The following HS3ST2 variants were observed in gnomAD, a reference collection of about 807,000 sequenced individuals.
The protein encoded by HS3ST2 is heparan sulfate-glucosamine 3-sulfotransferase 2.
HS3ST2 carries 17 observed loss-of-function variants against 26.3 expected under a neutral mutation model. That is an observed-to-expected ratio of 0.65 (90% confidence interval 0.44 to 0.97). The LOEUF is 0.97. Among genes scored for constraint, HS3ST2 ranks in the 50% least tolerant of loss-of-function variants. The probability of loss-of-function intolerance (pLI) is 0.00; values close to 1 mark genes in which losing one functional copy is unlikely to be tolerated. For missense variants in HS3ST2, 402 were observed against 501.2 expected, an observed-to-expected ratio of 0.80 and a Z score of 1.89; for synonymous variants, 237 against 219.2, an observed-to-expected ratio of 1.08 and a Z score of -0.72.
chr16:22,823,781 T>C (rs2141175404), intron 1 of HS3ST2, among the ~76,000 whole-genome samples: 1 of 152,142 alleles, frequency 6.6e-6, no homozygotes, highest in Non-Finnish European at 1.5e-5. Context: ...AGTGAGACTG[T>C]TTCTAGCTTT....
intron 1 of HS3ST2, among the ~76,000 whole-genome samples, chr16:22,889,873 A>G (rs948500652): frequency 1.3e-5 from 2 of 152,222 alleles, no homozygotes; most frequent in African/African-American, 4.8e-5. Flanking sequence ...TTGCCTATAA[A>G]TTTCCTGGAA....
chr16:22,844,175 G>T (rs1901399374), intron 1 of HS3ST2, among the ~76,000 whole-genome samples: 1 of 152,012 alleles, frequency 6.6e-6, no homozygotes, highest in Non-Finnish European at 1.5e-5. Flanking sequence ...CCATGTAAGT[G>T]CCATATGTCC....
intron 1 of HS3ST2, among the ~76,000 whole-genome samples, chr16:22,908,313 T>C (rs1339862931): frequency 1.3e-5 from 2 of 152,094 alleles, no homozygotes; most frequent in African/African-American, 4.8e-5. Flanking sequence ...GTGCCATGGA[T>C]TGTGGTGGAC....
At chr16:22,898,695 T>C (rs1230157364) in intron 1 of HS3ST2, among the ~76,000 whole-genome samples, 1 of 152,152 alleles carries the variant, frequency 6.6e-6, no homozygotes, top group African/African-American at 2.4e-5. Flanking sequence ...CACATGTGTA[T>C]AGTTTAGGCA....
At chr16:22,878,153 T>A (rs2141195788) in intron 1 of HS3ST2, among the ~76,000 whole-genome samples, 1 of 152,376 alleles carries the variant, frequency 6.6e-6, no homozygotes, top group South Asian at 2.1e-4. Context: ...CAAATATATT[T>A]AGAATTTATT....
intron 1 of HS3ST2, among the ~76,000 whole-genome samples, chr16:22,878,676 A>C (rs1901950323): frequency 6.6e-6 from 1 of 152,192 alleles, no homozygotes; most frequent in Admixed American, 6.5e-5. Context: ...GAGAAAAACA[A>C]CAAGAATTGA....
In HS3ST2 at chr16:22,842,872, A is replaced by G. The variant is rs1901378271; in HGVS notation, c.485+27777A>G. Among the ~76,000 whole-genome samples the G allele has an allele frequency of 2.0e-5, 3 of 152,204 alleles. 1 individual carries two copies. The South Asian group carries it at 6.2e-4, about 31-fold the overall frequency. ...TAACAGGAACAAGGCTCGATTTGGA[A>G]AGGCTAGAGCTTTTGCCAAAACTGG... On this transcript the variant is annotated intron_variant, in intron 1 of 1. Transcript: ENST00000261374.
At chr16:22,909,753 A>G (rs1444204531) in intron 1 of HS3ST2, among the ~76,000 whole-genome samples, 1 of 152,200 alleles carries the variant, frequency 6.6e-6, no homozygotes, top group Non-Finnish European at 1.5e-5. Context: ...AGAAATTAGA[A>G]GGGTGGGCCG....
chr16:22,823,651 G>T (rs1176208839), intron 1 of HS3ST2, among the ~76,000 whole-genome samples: 1 of 151,616 alleles, frequency 6.6e-6, no homozygotes, highest in Non-Finnish European at 1.5e-5. Flanking sequence ...GCCAGGCATG[G>T]TGGCAGGCAC....
intron 1 of HS3ST2, among the ~76,000 whole-genome samples, chr16:22,863,634 G>A (rs548806454): frequency 7.0e-4 from 107 of 152,228 alleles, no homozygotes; most frequent in African/African-American, 2.6e-3. Flanking sequence ...TATGTCCTGG[G>A]ATGTCCTGGG....
In HS3ST2 at chr16:22,915,763, C is replaced by T; in HGVS notation, c.*201C>T. 2 of 604,522 alleles carry T rather than the reference C, an allele frequency of 3.3e-6. No homozygotes were observed. The highest frequency in any genetic ancestry group is 2.2e-5 in the South Asian group (1 of 45,210). 37.4% of individuals were successfully genotyped at this position (604,522 alleles called of 1,614,324 possible). ...TGCCACTAGTTTTCATCAGTCTGTT[C>T]AAGCAAAGTTGATCTGCTCCTGGCA... On this transcript the variant is annotated 3_prime_UTR_variant, in exon 2 of 2. Coordinates refer to ENST00000261374, the MANE Select transcript of HS3ST2 (RefSeq NM_006043.2).
chr16:22,910,905 A>C (rs776351078), intron 1 of HS3ST2, among the ~76,000 whole-genome samples: 7 of 152,172 alleles, frequency 4.6e-5, no homozygotes, highest in Non-Finnish European at 1.0e-4. Context: ...ATTAGCTTTA[A>C]GATGGAGGAG....
rs117680844 is a variant in HS3ST2 at position 22,860,665 on chromosome 16, A to G, written c.485+45570A>G. 7.2e-3 allele frequency among the ~76,000 whole-genome samples: 1,094 copies of G among 152,226 alleles called. 8 individuals are homozygous for G. Among genetic ancestry groups the G allele is most frequent in the South Asian group, 0.015 (72 of 4,814 alleles). On this transcript the variant is annotated intron_variant, in intron 1 of 1. Transcript: ENST00000261374. ...CATTTTAGGCAATTGTTGGCTCCCA[A>G]TAAATATTTCTGGAAGGAACCAATG... is the stretch of plus-strand genomic sequence containing the variant.
chr16:22,874,747 A>G (rs989183870), intron 1 of HS3ST2, among the ~76,000 whole-genome samples: 11 of 152,192 alleles, frequency 7.2e-5, no homozygotes, highest in African/African-American at 1.2e-4. Context: ...ACTTGACCCA[A>G]TGACAAATCT....
At chr16:22,860,371 T>G (rs145325100) in intron 1 of HS3ST2, among the ~76,000 whole-genome samples, 1 of 152,238 alleles carries the variant, frequency 6.6e-6, no homozygotes, top group African/African-American at 2.4e-5. Context: ...CCCTCATGAT[T>G]TAACTACCTC....
rs1262459320 is a variant in HS3ST2, at chr16:22,850,545, G to A, written c.485+35450G>A. On this transcript the variant is annotated intron_variant, in intron 1 of 1. Transcript: ENST00000261374. ...CTCACACCTGTAATCTCAACACTTT[G>A]GGAGGCCAAGGCAGGCAGATCACTT... Among the ~76,000 whole-genome samples, 5 of 152,216 alleles carry A rather than the reference G, an allele frequency of 3.3e-5. No individual in the cohort carries two copies. The East Asian group carries it at 9.7e-4, about 29-fold the overall frequency.
chr16:22,857,620 A>T (rs1901613296), intron 1 of HS3ST2, among the ~76,000 whole-genome samples: 1 of 152,206 alleles, frequency 6.6e-6, no homozygotes, highest in Non-Finnish European at 1.5e-5. Context: ...GGGCTGGGGA[A>T]AGCTCTTACA....
intron 1 of HS3ST2, among the ~76,000 whole-genome samples, chr16:22,868,405 C>CAAAAAAAA (rs77630354): frequency 4.6e-5 from 2 of 43,496 alleles, no homozygotes; most frequent in East Asian, 6.8e-4. Context: ...AAGACTCCAT[C>CAAAAAAAA]AAAAAAAAAA....
intron 1 of HS3ST2, among the ~76,000 whole-genome samples, chr16:22,894,763 G>A (rs147455735): frequency 9.9e-5 from 15 of 151,476 alleles, no homozygotes; most frequent in Admixed American, 7.2e-4. Context: ...GGAGTTGGAG[G>A]CTGTCGTGCG....
Sources: allele counts gnomAD v4.1 joint callset (sites outside exome capture counted in the v4.1 genomes callset), GRCh38; gene constraint gnomAD v4.1.1; transcripts MANE v1.5; gene names NCBI Gene and HGNC (gene_info 2026-07-23, HGNC 2026-07-21).